Variants in HSD17B12 observed in about 807,000 individuals in gnomAD.
HSD17B12 encodes very-long-chain 3-oxoacyl-CoA reductase.
In HSD17B12, 32 loss-of-function variants were observed where a neutral mutation model predicts 39.3. That is an observed-to-expected ratio of 0.81 (90% CI 0.61 to 1.09). The LOEUF (loss-of-function observed/expected upper bound fraction) is 1.09. HSD17B12 is among the 50% of genes least tolerant of loss of function. The probability of loss-of-function intolerance (pLI) is 0.00; values close to 1 mark genes in which losing one functional copy is unlikely to be tolerated. For synonymous variants in HSD17B12, 150 were observed against 146.7 expected, an observed-to-expected ratio of 1.02 and a Z score of -0.16; for missense variants, 342 against 382.9, an observed-to-expected ratio of 0.89 and a Z score of 0.89.
chr11:43,577,918 G>T, the HSD17B12 span, among the ~76,000 whole-genome samples: 2 of 152,200 alleles, frequency 1.3e-5, no homozygotes, highest in Non-Finnish European at 2.9e-5. Context: ...AGCTCTCTGG[G>T]GTTGTGGGCT....
chr11:43,792,744 A>G (rs1359638672), intron 3 of HSD17B12, among the ~76,000 whole-genome samples: 1 of 141,658 alleles, frequency 7.1e-6, no homozygotes, highest in African/African-American at 2.7e-5. Flanking sequence ...GCTGGTCTCA[A>G]ACTGCAGGGC....
At chr11:43,680,732 A>G (rs977501701), upstream of HSD17B12, 12 of 1,080,250 alleles carry the variant, frequency 1.1e-5, no homozygotes, top group African/African-American at 7.8e-5. Flanking sequence ...AGCAGCGCCT[A>G]TTAGTGTCAT....
At chr11:43,727,079 C>T (rs907591775) in intron 1 of HSD17B12, among the ~76,000 whole-genome samples, 2 of 152,146 alleles carry the variant, frequency 1.3e-5, no homozygotes, top group African/African-American at 2.4e-5. Flanking sequence ...ATTAAGGATT[C>T]AGTCATGGTA....
At chr11:43,623,810 G>A in the HSD17B12 span, among the ~76,000 whole-genome samples, 1 of 151,974 alleles carries the variant, frequency 6.6e-6, no homozygotes, top group Non-Finnish European at 1.5e-5. Context: ...TGTATGCATA[G>A]TTCCGGATCA....
At chr11:43,579,760 G>A in the HSD17B12 span, among the ~76,000 whole-genome samples, 1 of 152,096 alleles carries the variant, frequency 6.6e-6, no homozygotes, top group Admixed American at 6.5e-5. Context: ...GGGTCGCGGA[G>A]CTGCAGGAGG....
the HSD17B12 span, among the ~76,000 whole-genome samples, chr11:43,596,315 C>G: frequency 6.6e-6 from 1 of 152,054 alleles, no homozygotes; most frequent in Non-Finnish European, 1.5e-5. Context: ...CTGATGAGAC[C>G]TCACTCCAGA....
intron 1 of HSD17B12, among the ~76,000 whole-genome samples, chr11:43,685,374 G>C (rs1387315661): frequency 6.6e-6 from 1 of 152,242 alleles, no homozygotes; most frequent in Non-Finnish European, 1.5e-5. Flanking sequence ...AATGACTGAA[G>C]AATACTTGTG....
chr11:43,593,657 G>A, the HSD17B12 span, among the ~76,000 whole-genome samples: 1 of 152,004 alleles, frequency 6.6e-6, no homozygotes, highest in Non-Finnish European at 1.5e-5. Flanking sequence ...AAGAAAAGCA[G>A]TAAGAAATAT....
chr11:43,821,713 T>C (rs981109115), intron 6 of HSD17B12, among the ~76,000 whole-genome samples: 1 of 152,140 alleles, frequency 6.6e-6, no homozygotes, highest in East Asian at 1.9e-4. Flanking sequence ...GGCAGACAAA[T>C]GTAGGTTTCA....
chr11:43,654,607 T>TACATATGGCTAGCCAGTTTTCC, the HSD17B12 span, among the ~76,000 whole-genome samples: 7 of 152,188 alleles, frequency 4.6e-5, no homozygotes, highest in Non-Finnish European at 8.8e-5. Context: ...TTCAGCTTTC[T>TACATATGGCTAGCCAGTTTTCC]ACATATGGCT....
In HSD17B12 at chr11:43,838,422, T is replaced by A. The variant is rs1457054182; in HGVS notation, c.618+24T>A. ...AGGTAAAAAATATTTTCTTAAATCATGTCAATATAGTAATAAGGGGTAATT... is the reference window on the plus strand; with the variant it reads ...AGGTAAAAAATATTTTCTTAAATCAAGTCAATATAGTAATAAGGGGTAATT... On this transcript the variant is annotated intron_variant, in intron 8 of 10. Transcript: ENST00000278353. 4 of 1,526,628 alleles carry A rather than the reference T, an allele frequency of 2.6e-6. No homozygotes were observed. The African/African-American group carries it at 4.1e-5, about 16-fold the overall frequency. 94.6% of individuals were successfully genotyped at this position (1,526,628 alleles called of 1,614,324 possible).
intron 9 of HSD17B12, among the ~76,000 whole-genome samples, chr11:43,846,590 G>T (rs1297522161): frequency 6.6e-6 from 1 of 152,198 alleles, no homozygotes; most frequent in Non-Finnish European, 1.5e-5. Context: ...GTTTTAACCT[G>T]GGAGGCAGAG....
chr11:43,723,435 T>G (rs1431169338), intron 1 of HSD17B12, among the ~76,000 whole-genome samples: 2 of 152,224 alleles, frequency 1.3e-5, no homozygotes, highest in African/African-American at 4.8e-5. Context: ...ATAATTTTAT[T>G]TTTAAATTCC....
chr11:43,624,714 A>G, the HSD17B12 span, among the ~76,000 whole-genome samples: 1 of 151,898 alleles, frequency 6.6e-6, no homozygotes, highest in Non-Finnish European at 1.5e-5. Context: ...CATTAAGAAT[A>G]TATTTTTAAA....
intron 5 of HSD17B12, among the ~76,000 whole-genome samples, chr11:43,815,969 A>C (rs1056414742): frequency 6.6e-6 from 1 of 152,216 alleles, no homozygotes; most frequent in African/African-American, 2.4e-5. Context: ...CGAGAAAAGC[A>C]TATCATTGAA....
At chr11:43,634,658 T>G in the HSD17B12 span, among the ~76,000 whole-genome samples, 3 of 152,162 alleles carry the variant, frequency 2.0e-5, no homozygotes, top group Non-Finnish European at 4.4e-5. Context: ...CTATTCGAAA[T>G]TCCACAGGAT....
chr11:43,826,453 G>A (rs1384136497), intron 6 of HSD17B12, among the ~76,000 whole-genome samples: 1 of 151,972 alleles, frequency 6.6e-6, no homozygotes, highest in Non-Finnish European at 1.5e-5. Context: ...TTATTAATTG[G>A]CATGGAGCTC....
intron 9 of HSD17B12, among the ~76,000 whole-genome samples, chr11:43,841,750 C>T (rs932825756): frequency 6.6e-6 from 1 of 152,176 alleles, no homozygotes; most frequent in Non-Finnish European, 1.5e-5. Context: ...CTTTGCTGCT[C>T]CTGCCTATCA....
the HSD17B12 span, among the ~76,000 whole-genome samples, chr11:43,630,166 A>G: frequency 6.6e-6 from 1 of 152,068 alleles, no homozygotes; most frequent in Non-Finnish European, 1.5e-5. Context: ...ATGGGTAAGC[A>G]TTTTGGAAAA....
Sources: gnomAD v4.1 joint callset for allele counts (sites outside exome capture counted in the v4.1 genomes callset) on GRCh38, gnomAD v4.1.1 for gene constraint, MANE v1.5 for transcripts, NCBI Gene and HGNC (gene_info 2026-07-23, HGNC 2026-07-21) for gene names.